PCDHAC1: variants seen among roughly 807,000 people sequenced by gnomAD.
PCDHAC1 encodes the protein protocadherin alpha-C1.
Under a neutral mutation model 60.0 loss-of-function variants are expected in PCDHAC1, and 42 were observed. The observed-to-expected ratio is 0.70, with a 90% CI of 0.55 to 0.90. The LOEUF (loss-of-function observed/expected upper bound fraction) is 0.90, where lower values mean the gene tolerates loss of function less well. Ranked by LOEUF, PCDHAC1 falls within the 40% of genes least tolerant of loss-of-function variation. PCDHAC1 has a pLI of 0.00. For synonymous variants in PCDHAC1, 468 were observed against 499.3 expected, an observed-to-expected ratio of 0.94 and a Z score of 0.84; for missense variants, 1,160 against 1,222.3, an observed-to-expected ratio of 0.95 and a Z score of 0.76.
At position 140,928,805 on chromosome 5, in the gene PCDHAC1, T is replaced by C. The variant is rs1554206331; in HGVS notation, c.1913T>C (p.Val638Ala). 1 of 1,614,162 alleles carries C rather than the reference T, an allele frequency of 6.2e-7. No individual in the cohort carries two copies. ...DAVKQRVVVV[V>A]RDHGDPPLSS... ...GTTAAGCAGAGGGTGGTGGTAGTGGTTCGGGACCATGGAGACCCACCACTT... is the reference window on the plus strand; with the variant it reads ...GTTAAGCAGAGGGTGGTGGTAGTGGCTCGGGACCATGGAGACCCACCACTT... The change falls in exon 1 of 4, where the codon GTT becomes GCT. Residue 638 changes from valine (V) to alanine (A), a missense_variant. This residue lies in a region of PCDHAC1 where 1,113 missense variants were observed against 1,163.7 expected (regional missense o/e 0.96). Coordinates refer to ENST00000253807, the MANE Select transcript of PCDHAC1 (RefSeq NM_018898.5).
intron 1 of PCDHAC1, among the ~76,000 whole-genome samples, chr5:140,976,335 G>T (rs1554237529): frequency 6.6e-6 from 1 of 152,140 alleles, no homozygotes; most frequent in East Asian, 1.9e-4. Flanking sequence ...TGGATTGCCT[G>T]AGGTCAGGTG....
chr5:141,010,325 G>T lies in PCDHAC1; in HGVS notation c.*388G>T. On this transcript the variant is annotated 3_prime_UTR_variant, in exon 4 of 4. Coordinates refer to ENST00000253807, the MANE Select transcript of PCDHAC1 (RefSeq NM_018898.5). Reference sequence around the variant, plus strand: ...GAAAAGTTTTGAGATTGAGCAGCTTGGGAGTTTGTGGCCACTGGGTATGTG... The same window carrying T: ...GAAAAGTTTTGAGATTGAGCAGCTTTGGAGTTTGTGGCCACTGGGTATGTG... 1 of 1,539,506 alleles carries T rather than the reference G, an allele frequency of 6.5e-7. No individual in the cohort carries two copies. The highest frequency in any genetic ancestry group is 8.7e-7 in the Non-Finnish European group (1 of 1,142,888).
At chr5:140,982,253 A>G (rs1209317234) in intron 2 of PCDHAC1, 16 of 777,640 alleles carry the variant, frequency 2.1e-5, no homozygotes, top group Admixed American at 3.3e-5. Context: ...AAGATAGAAC[A>G]TGTGTGTTCC....
intron 3 of PCDHAC1, among the ~76,000 whole-genome samples, chr5:141,007,031 T>C (rs1554261019): frequency 6.6e-6 from 1 of 152,144 alleles, no homozygotes; most frequent in African/African-American, 2.4e-5. Flanking sequence ...ATGGTATTTA[T>C]ATCTATGGAT....
At chr5:140,969,120 G>T (rs1333559202) in intron 1 of PCDHAC1, 1 of 1,613,970 alleles carries the variant, frequency 6.2e-7, no homozygotes, top group Non-Finnish European at 8.5e-7. Flanking sequence ...CGAGGGAATG[G>T]CTCCCTCACC....
At position 140,928,262 on chromosome 5, in the gene PCDHAC1, A is replaced by G; in HGVS notation, c.1370A>G (p.Asn457Ser). 6.2e-7 allele frequency: 1 copy of G among 1,614,214 alleles called. No individual in the cohort carries two copies. The highest frequency in any genetic ancestry group is 8.5e-7 in the Non-Finnish European group (1 of 1,180,038). ...QPQQELFVAE[N>S]NGPGASLGRV... is the part of the protein sequence containing the mutation. ...CAGCAGGAACTTTTCGTTGCTGAAAACAATGGCCCTGGGGCCTCTCTAGGC... is the reference window on the plus strand; with the variant it reads ...CAGCAGGAACTTTTCGTTGCTGAAAGCAATGGCCCTGGGGCCTCTCTAGGC... Residue 457 changes from asparagine to serine, a missense_variant, in exon 1 of 4, where the codon AAC (asparagine) becomes AGC (serine). Physicochemically the swap from Asn to Ser is conservative, Grantham distance 46. Transcript: ENST00000253807.
chr5:140,981,690 A>C (rs1410954672), intron 2 of PCDHAC1, among the ~76,000 whole-genome samples: 1 of 150,712 alleles, frequency 6.6e-6, no homozygotes, highest in Non-Finnish European at 1.5e-5. Flanking sequence ...CCCTTCCATC[A>C]TTCATTCATT....
In PCDHAC1 at chr5:140,990,870, T is replaced by G. The variant is rs550033552; in HGVS notation, c.2581+8307T>G. Among the ~76,000 whole-genome samples, 16 of 152,274 alleles carry G rather than the reference T, an allele frequency of 1.1e-4. No individual in the cohort carries two copies. The South Asian group carries it at 3.3e-3, about 32-fold the overall frequency. On this transcript the variant is annotated intron_variant, in intron 3 of 3. Coordinates refer to ENST00000253807, the MANE Select transcript of PCDHAC1 (RefSeq NM_018898.5). ...AGCCCTGAGGACATTGTATTTTAAG[T>G]GTATGTTCCAGTGAGTGGGTCGTTG...
At chr5:140,969,535 T>C (rs1221394283) in intron 1 of PCDHAC1, 27 of 1,341,822 alleles carry the variant, frequency 2.0e-5, no homozygotes, top group Non-Finnish European at 2.5e-5. Flanking sequence ...TTTTTCATTT[T>C]CAGAGGCATG....
intron 1 of PCDHAC1, among the ~76,000 whole-genome samples, chr5:140,964,516 C>G (rs1410737676): frequency 6.6e-6 from 1 of 152,006 alleles, no homozygotes; most frequent in African/African-American, 2.4e-5. Flanking sequence ...ACCCAGTGGC[C>G]AGGTCTCTGA....
intron 3 of PCDHAC1, among the ~76,000 whole-genome samples, chr5:141,005,570 C>T (rs2098221993): frequency 6.6e-6 from 1 of 151,052 alleles, no homozygotes; most frequent in African/African-American, 2.4e-5. Context: ...GGCATGGTGG[C>T]GCGTGCCTGT....
At chr5:140,967,589 T>C (rs782348275) in intron 1 of PCDHAC1, 20 of 1,613,912 alleles carry the variant, frequency 1.2e-5, no homozygotes, top group African/African-American at 1.2e-4. Context: ...CCCAGGCACA[T>C]TGGTGGTGAA....
At chr5:141,003,762 G>A (rs1295345972) in intron 3 of PCDHAC1, among the ~76,000 whole-genome samples, 1 of 152,146 alleles carries the variant, frequency 6.6e-6, no homozygotes, top group East Asian at 1.9e-4. Flanking sequence ...AATTATGGTC[G>A]TATTCTGTTA....
At chr5:141,007,777 T>G (rs1467527710) in intron 3 of PCDHAC1, among the ~76,000 whole-genome samples, 2 of 152,226 alleles carry the variant, frequency 1.3e-5, no homozygotes, top group Non-Finnish European at 2.9e-5. Flanking sequence ...GAAATGGTAC[T>G]GCTTTACAAA....
Position 140,927,068 on chromosome 5 carries a change from C to T in PCDHAC1, c.176C>T (p.Ser59Phe). 1 of 1,611,218 alleles carries T rather than the reference C, an allele frequency of 6.2e-7. No homozygotes were observed. The highest frequency in any genetic ancestry group is 8.5e-7 in the Non-Finnish European group (1 of 1,177,966). ...TCCTCGCGGAACTTTCGCTTCCTTT[C>T]CAGCCACCGCGAGCTCTACTTCGGG... is the stretch of plus-strand genomic sequence containing the variant. ...AMSSRNFRFLSSHRELYFGVD... is the reference protein window; with the variant it reads ...AMSSRNFRFLFSHRELYFGVD... The change falls in exon 1 of 4, where the codon TCC (serine) becomes TTC (phenylalanine). Residue 59 changes from serine to phenylalanine, a missense_variant. Transcript: ENST00000253807.
In PCDHAC1 at chr5:140,927,608, G is replaced by A. The variant is rs151084513; in HGVS notation, c.716G>A (p.Arg239His). The part of the protein sequence containing the change: ...NAPVFERSVY[R>H]TKVPETAPNG... ...CCTGTATTTGAGCGCTCCGTATACC[G>A]CACCAAGGTTCCAGAGACTGCACCC... The change falls in exon 1 of 4, where the codon CGC becomes CAC. Residue 239 changes from arginine (R) to histidine (H), a missense_variant. This residue lies in a region of PCDHAC1 where 1,113 missense variants were observed against 1,163.7 expected (regional missense o/e 0.96). Coordinates refer to ENST00000253807, the MANE Select transcript of PCDHAC1 (RefSeq NM_018898.5). The A allele has an allele frequency of 2.2e-5, 35 of 1,614,050 alleles. No homozygotes were observed. In the African/African-American group the frequency reaches 4.4e-4, roughly 20 times the overall value.
intron 3 of PCDHAC1, among the ~76,000 whole-genome samples, chr5:140,986,748 A>G (rs2097211627): frequency 6.6e-6 from 1 of 152,220 alleles, no homozygotes; most frequent in Non-Finnish European, 1.5e-5. Flanking sequence ...GGGATCTGGG[A>G]CTAAACAGTG....
chr5:140,999,712 C>T (rs1411166924), intron 3 of PCDHAC1, among the ~76,000 whole-genome samples: 9 of 152,204 alleles, frequency 5.9e-5, no homozygotes, highest in African/African-American at 9.6e-5. Flanking sequence ...TAGCTAACTA[C>T]GGAGACCAGC....
intron 1 of PCDHAC1, chr5:140,969,117 A>C (rs1554231477): frequency 6.2e-7 from 1 of 1,614,178 alleles, no homozygotes; most frequent in Admixed American, 1.7e-5. Flanking sequence ...GTTCGAGGGA[A>C]TGGCTCCCTC....
Sources: gnomAD v4.1 joint callset for allele counts (sites outside exome capture counted in the v4.1 genomes callset) on GRCh38, gnomAD v4.1.1 for gene constraint, gnomAD v4.1.1 regional missense constraint, MANE v1.5 for transcripts, NCBI Gene and HGNC (gene_info 2026-07-23, HGNC 2026-07-21) for gene names.